The following PPFIA2 variants were observed in gnomAD, a reference collection of about 807,000 sequenced individuals.
PPFIA2 encodes liprin-alpha-2.
Under a neutral mutation model 175.5 loss-of-function variants are expected in PPFIA2, and 46 were observed. The ratio of observed to expected loss-of-function variants is 0.26; its 90% CI spans 0.21 to 0.34. The LOEUF (loss-of-function observed/expected upper bound fraction) is 0.34. Ranked by LOEUF, PPFIA2 falls within the 10% of genes least tolerant of loss-of-function variation. The pLI, the probability that PPFIA2 is intolerant of heterozygous loss-of-function variation, is 1.00. For missense variants in PPFIA2, 1,179 were observed against 1,506.1 expected (o/e 0.78, Z 3.60); for synonymous variants, 568 against 511.4 (o/e 1.11, Z -1.49).
chr12:81,684,230 A>C (rs1322525872), intron 3 of PPFIA2, among the ~76,000 whole-genome samples: 2 of 152,136 alleles, frequency 1.3e-5, no homozygotes, highest in African/African-American at 4.8e-5. Flanking sequence ...GTTCCACCTG[A>C]ACAAACTGAC....
intron 4 of PPFIA2, among the ~76,000 whole-genome samples, chr12:81,652,447 A>C (rs1040934582): frequency 6.6e-6 from 1 of 151,930 alleles, no homozygotes; most frequent in South Asian, 2.1e-4. Context: ...CTCAGAATGT[A>C]TTGCTGAGGA....
chr12:81,451,142 C>A lies in PPFIA2; in HGVS notation c.406-5422G>T, dbSNP rs79880034. ...CATACAGACACACACACTATATATA[C>A]ACACACGCATGCATGTTTGTGTGTG... On this transcript the variant is annotated intron_variant, in intron 5 of 32. Coordinates refer to ENST00000549396, the MANE Select transcript of PPFIA2 (RefSeq NM_003625.5). Among the ~76,000 whole-genome samples the A allele has an allele frequency of 1.8e-3, 273 of 152,146 alleles. 3 individuals carry two copies. The South Asian group carries it at 0.019, about 11-fold the overall frequency.
intron 7 of PPFIA2, among the ~76,000 whole-genome samples, chr12:81,421,053 C>T (rs2143736997): frequency 6.6e-6 from 1 of 152,142 alleles, no homozygotes; most frequent in East Asian, 1.9e-4. Context: ...CTACCAAGAA[C>T]AATATATCCA....
At chr12:81,711,269 T>A (rs1371761563) in intron 3 of PPFIA2, among the ~76,000 whole-genome samples, 1 of 151,172 alleles carries the variant, frequency 6.6e-6, no homozygotes, top group Non-Finnish European at 1.5e-5. Flanking sequence ...TCAACCAACA[T>A]ATAATTAATT....
chr12:81,440,542 T>A (rs2049985125), intron 6 of PPFIA2, among the ~76,000 whole-genome samples: 1 of 152,130 alleles, frequency 6.6e-6, no homozygotes, highest in Admixed American at 6.6e-5. Context: ...AAAATGTTCT[T>A]CGCTTCTCTG....
At chr12:81,637,892 A>T (rs145780909) in intron 4 of PPFIA2, among the ~76,000 whole-genome samples, 1 of 152,318 alleles carries the variant, frequency 6.6e-6, no homozygotes, top group East Asian at 1.9e-4. Flanking sequence ...ACAAAGAAAA[A>T]GGACATACAT....
At chr12:81,448,421 C>T (rs2051741018) in intron 5 of PPFIA2, among the ~76,000 whole-genome samples, 1 of 152,204 alleles carries the variant, frequency 6.6e-6, no homozygotes, top group Non-Finnish European at 1.5e-5. Flanking sequence ...AACTGGTCCT[C>T]CTCCTTTCAG....
intron 4 of PPFIA2, among the ~76,000 whole-genome samples, chr12:81,550,956 A>G (rs2067821917): frequency 6.6e-6 from 1 of 151,990 alleles, no homozygotes; most frequent in African/African-American, 2.4e-5. Flanking sequence ...GGAGGGAGTT[A>G]TCAATGGTGA....
chr12:81,357,542 C>A (rs2061032547), intron 16 of PPFIA2, among the ~76,000 whole-genome samples: 1 of 152,182 alleles, frequency 6.6e-6, no homozygotes, highest in African/African-American at 2.4e-5. Context: ...TGCCCCTTAT[C>A]ATTAATAGTT....
intron 2 of PPFIA2, 44 bp from the exon 3 acceptor site, chr12:81,754,267 T>A: frequency 6.5e-7 from 1 of 1,537,690 alleles, no homozygotes; most frequent in Non-Finnish European, 8.8e-7. Context: ...AAGAAATGAT[T>A]TCCAATAATT....
chr12:81,699,082 C>G (rs778565249), intron 3 of PPFIA2, among the ~76,000 whole-genome samples: 2 of 151,790 alleles, frequency 1.3e-5, no homozygotes, highest in African/African-American at 2.4e-5. Flanking sequence ...ATTATAAAAC[C>G]ACAGAAAAAT....
At chr12:81,735,937 T>G (rs942020516) in intron 3 of PPFIA2, among the ~76,000 whole-genome samples, 4 of 151,976 alleles carry the variant, frequency 2.6e-5, no homozygotes, top group Admixed American at 2.6e-4. Context: ...TTGCTCTATA[T>G]GTCTATCCTT....
chr12:81,561,768 C>T (rs982972550), intron 4 of PPFIA2, among the ~76,000 whole-genome samples: 1 of 152,196 alleles, frequency 6.6e-6, no homozygotes, highest in African/African-American at 2.4e-5. Context: ...AGGGTCTCCA[C>T]TTTCTAGGCT....
At chr12:81,687,953 C>G (rs1035854650) in intron 3 of PPFIA2, among the ~76,000 whole-genome samples, 1 of 151,762 alleles carries the variant, frequency 6.6e-6, no homozygotes, top group Non-Finnish European at 1.5e-5. Flanking sequence ...CATTAGAATA[C>G]ATGTAAATAA....
chr12:81,681,867 A>G (rs2073701237), intron 3 of PPFIA2, among the ~76,000 whole-genome samples: 2 of 152,030 alleles, frequency 1.3e-5, no homozygotes, highest in Admixed American at 1.3e-4. Flanking sequence ...TGAACAAATA[A>G]AATTCTAAAG....
chr12:81,454,194 T>G (rs949524409), intron 5 of PPFIA2, among the ~76,000 whole-genome samples: 3 of 152,106 alleles, frequency 2.0e-5, no homozygotes, highest in Admixed American at 1.3e-4. Flanking sequence ...CACTCCAGCC[T>G]GAGCAAGAGT....
In PPFIA2 at chr12:81,267,966, G is replaced by A. The variant is rs1018348371; in HGVS notation, c.3432C>T (p.Asn1144=). The A allele has an allele frequency of 6.3e-7, 1 of 1,599,448 alleles. No individual in the cohort carries two copies. The highest frequency in any genetic ancestry group is 1.7e-4 in the Middle Eastern group (1 of 6,048). ...VHGSLIALDE[N]FDYSSLALLL... is the part of the protein sequence containing the mutation. ...ATAAAGCTAAGCTGCTGTAGTCAAA[G>A]TTTTCATCCAGGGCTATAAGTGAGC... The change falls in exon 29 of 33, where the codon AAC becomes AAT. Residue 1144 remains asparagine (N), a synonymous_variant. Transcript: ENST00000549396.
intron 22 of PPFIA2, among the ~76,000 whole-genome samples, chr12:81,311,749 A>AGAAAGAAAGAAAGAAAG (rs1555249969): frequency 7.0e-6 from 1 of 143,028 alleles, no homozygotes; most frequent in African/African-American, 2.7e-5. Flanking sequence ...AAAAAAAAAA[A>AGAAAGAAAGAAAGAAAG]AAAGAAAGAA....
intron 4 of PPFIA2, among the ~76,000 whole-genome samples, chr12:81,565,652 C>G (rs781038768): frequency 6.6e-6 from 1 of 152,122 alleles, no homozygotes; most frequent in Non-Finnish European, 1.5e-5. Context: ...TTCATTTTCT[C>G]CAATTATAAA....
Sources: gnomAD v4.1 joint callset for allele counts (sites outside exome capture counted in the v4.1 genomes callset) on GRCh38, gnomAD v4.1.1 for gene constraint, MANE v1.5 for transcripts, NCBI Gene and HGNC (gene_info 2026-07-23, HGNC 2026-07-21) for gene names.